Variants in ANKRD11 observed in about 807,000 individuals in gnomAD.
ANKRD11 encodes the protein ankyrin repeat domain 11.
ANKRD11 carries 17 observed loss-of-function variants against 195.7 expected under a neutral mutation model. The observed-to-expected ratio is 0.09, with a 90% CI of 0.06 to 0.13. The LOEUF (loss-of-function observed/expected upper bound fraction) is 0.13, where lower values mean the gene tolerates loss of function less well. ANKRD11 is among the 10% of genes least tolerant of loss of function. ANKRD11 has a pLI of 1.00. For missense variants in ANKRD11, 3,735 were observed against 3,566.1 expected (o/e 1.05, Z -1.21); for synonymous variants, 1,953 against 1,528.1 (o/e 1.28, Z -6.49).
At chr16:89,288,502 T>A (rs756839386) in intron 7 of ANKRD11, 26 bp downstream of exon 7, 4 of 1,613,788 alleles carry the variant, frequency 2.5e-6, no homozygotes, top group Non-Finnish European at 3.4e-6. Flanking sequence ...ACAGGCCGGA[T>A]GTGTGAAGAA....
chr16:89,340,840 G>GA (rs2038622433), intron 2 of ANKRD11, among the ~76,000 whole-genome samples: 1 of 152,188 alleles, frequency 6.6e-6, no homozygotes, highest in African/African-American at 2.4e-5. Flanking sequence ...CAGTCCTGGG[G>GA]AGAGGATGCA....
chr16:89,356,312 G>A (rs986755085), intron 2 of ANKRD11, among the ~76,000 whole-genome samples: 2 of 151,900 alleles, frequency 1.3e-5, no homozygotes, highest in African/African-American at 4.8e-5. Flanking sequence ...CCAGAGACAC[G>A]CACAGTTCTC....
chr16:89,291,321 G>C lies in ANKRD11; in HGVS notation c.227-138C>G. The C allele has an allele frequency of 1.8e-6, 2 of 1,131,148 alleles. No homozygotes were observed. Among genetic ancestry groups the C allele is most frequent in the Non-Finnish European group, 1.3e-6 (1 of 782,554 alleles). 70.1% of individuals were successfully genotyped at this position (1,131,148 alleles called of 1,614,324 possible). On this transcript the variant is annotated intron_variant, in intron 4 of 12. Coordinates refer to ENST00000301030, the MANE Select transcript of ANKRD11 (RefSeq NM_013275.6). The surrounding 1 kb of genome is among the most constrained non-coding windows in gnomAD (Gnocchi z 5.3). Reference sequence around the variant, plus strand: ...GAGCAGAAAGGAAGGTCTGTGTATGGGGAAAGCACAGCGGTGCTGGGAGCA... The same window carrying C: ...GAGCAGAAAGGAAGGTCTGTGTATGCGGAAAGCACAGCGGTGCTGGGAGCA...
intron 2 of ANKRD11, among the ~76,000 whole-genome samples, chr16:89,340,681 T>C (rs768530488): frequency 6.6e-6 from 1 of 152,180 alleles, no homozygotes; most frequent in East Asian, 1.9e-4. Flanking sequence ...AGAGACAATA[T>C]AATTAACAAA....
chr16:89,344,944 G>T (rs560461242), intron 2 of ANKRD11, among the ~76,000 whole-genome samples: 7 of 152,320 alleles, frequency 4.6e-5, no homozygotes, highest in Non-Finnish European at 1.0e-4. Flanking sequence ...GAAAAAGAAT[G>T]GTTGGCAGAA....
intron 3 of ANKRD11, among the ~76,000 whole-genome samples, chr16:89,312,359 G>A (rs2036653525): frequency 2.6e-5 from 4 of 152,222 alleles, no homozygotes; most frequent in African/African-American, 9.6e-5. Context: ...GATGAGGACA[G>A]TGTGTTCTAC....
chr16:89,432,888 G>C lies in ANKRD11; in HGVS notation c.-144-14520C>G, dbSNP rs994528453. The stretch of plus-strand genomic sequence containing the variant: ...GAATCACTTGAGCCTGTGAGGTCGA[G>C]GCTGCAGGGGGCTTTATCACAGCCC... On this transcript the variant is annotated intron_variant, in intron 1 of 12. Transcript: ENST00000301030. 2.0e-5 allele frequency among the ~76,000 whole-genome samples: 3 copies of C among 151,850 alleles called. No individual in the cohort carries two copies. The East Asian group carries it at 5.8e-4, about 29-fold the overall frequency.
intron 2 of ANKRD11, among the ~76,000 whole-genome samples, chr16:89,327,604 C>T (rs912573908): frequency 2.0e-5 from 3 of 152,166 alleles, no homozygotes; most frequent in Non-Finnish European, 4.4e-5. Flanking sequence ...AAAGACAGTA[C>T]CATCCTATTT....
At chr16:89,303,659 G>A (rs567174954) in intron 4 of ANKRD11, among the ~76,000 whole-genome samples, 25 of 152,272 alleles carry the variant, frequency 1.6e-4, no homozygotes, top group African/African-American at 5.8e-4. Context: ...AGCCCTCTCT[G>A]CTGGCCTTTC....
intron 4 of ANKRD11, among the ~76,000 whole-genome samples, chr16:89,304,085 G>C (rs1011576031): frequency 1.5e-4 from 23 of 152,340 alleles, no homozygotes; most frequent in Middle Eastern, 6.8e-3. Flanking sequence ...CTGTAGAGAA[G>C]CTGGATGACC....
intron 1 of ANKRD11, among the ~76,000 whole-genome samples, chr16:89,418,951 A>AC (rs1346967682): frequency 6.6e-6 from 1 of 151,820 alleles, no homozygotes; most frequent in African/African-American, 2.4e-5. Flanking sequence ...GGACCTCCTG[A>AC]CCTCAGGTGT....
intron 2 of ANKRD11, among the ~76,000 whole-genome samples, chr16:89,391,136 G>C (rs1432858658): frequency 1.3e-5 from 2 of 151,690 alleles, no homozygotes; most frequent in Admixed American, 6.6e-5. Context: ...GCTGAAGCAG[G>C]AGAATGGTGT....
rs1298734986 is a variant in ANKRD11 at position 89,283,864 on chromosome 16, C to T, written c.2678G>A (p.Arg893Gln). Residue 893 changes from arginine to glutamine, a missense_variant, in exon 9 of 13, where the codon CGG (arginine) becomes CAG (glutamine). Arg to Gln is a conservative substitution (Grantham distance 43, BLOSUM62 1). Transcript: ENST00000301030. This position sits in a 1 kb window ranked among gnomAD's most constrained non-coding sequence, Gnocchi z 4.3. ...TCTGTAGTCTCGCTTCTCCCGGGCC[C>T]GGCTGTCCCGCCTCCTCTCCTTGCT... ...EDSKERRRDSRAREKRDYREP... is the reference protein window; with the variant it reads ...EDSKERRRDSQAREKRDYREP... 27 of 1,613,938 alleles carry T rather than the reference C, an allele frequency of 1.7e-5. No homozygotes were observed. Among genetic ancestry groups the T allele is most frequent in the East Asian group, 2.2e-5 (1 of 44,886 alleles).
chr16:89,434,800 A>T (rs1278536441), intron 1 of ANKRD11, among the ~76,000 whole-genome samples: 1 of 152,220 alleles, frequency 6.6e-6, no homozygotes, highest in Non-Finnish European at 1.5e-5. Context: ...ACAGGAAAGC[A>T]CTGGATGGAG....
At chr16:89,271,301 G>A (rs983103486) in intron 11 of ANKRD11, 11 of 313,840 alleles carry the variant, frequency 3.5e-5, no homozygotes, top group East Asian at 8.6e-5. Context: ...GCAATGGCGC[G>A]ATCCTGGCTC....
In ANKRD11 at chr16:89,469,899, T is replaced by C. The variant is rs567108327; in HGVS notation, c.-145+20346A>G. Reference sequence around the variant, plus strand: ...CTCCGTTTCAGAAAAACAAAGTCAGTTGTACTTTTTCCTTTTCTTTTGTTT... The same window carrying C: ...CTCCGTTTCAGAAAAACAAAGTCAGCTGTACTTTTTCCTTTTCTTTTGTTT... On this transcript the variant is annotated intron_variant, in intron 1 of 12. Transcript: ENST00000301030. 8.5e-5 allele frequency among the ~76,000 whole-genome samples: 9 copies of C among 106,498 alleles called. No homozygotes were observed. The South Asian group carries it at 3.6e-3, about 43-fold the overall frequency. 69.9% of individuals were successfully genotyped at this position (106,498 alleles called of 152,430 possible). A position where few individuals can be genotyped will look rare whatever the true frequency, so the allele number is the denominator to read the frequency against.
chr16:89,458,472 T>C (rs1020531866), intron 1 of ANKRD11, among the ~76,000 whole-genome samples: 18 of 152,200 alleles, frequency 1.2e-4, no homozygotes, highest in East Asian at 1.9e-4. Flanking sequence ...GATCCGCCCA[T>C]CTCGGCCTCC....
At chr16:89,270,589 T>G in intron 12 of ANKRD11, 1 of 582,786 alleles carries the variant, frequency 1.7e-6, no homozygotes, top group Non-Finnish European at 3.1e-6. Context: ...CAGGAGCCGC[T>G]CCCTGCACAC....
intron 1 of ANKRD11, among the ~76,000 whole-genome samples, chr16:89,442,615 A>AT (rs1279301056): frequency 2.0e-5 from 3 of 152,144 alleles, no homozygotes; most frequent in Non-Finnish European, 2.9e-5. Flanking sequence ...TCAAAGACTC[A>AT]TTTCCAGATA....
Sources: allele counts gnomAD v4.1 joint callset (sites outside exome capture counted in the v4.1 genomes callset), GRCh38; gene constraint gnomAD v4.1.1; non-coding constraint Gnocchi (gnomAD v3.1); transcripts MANE v1.5; gene names NCBI Gene and HGNC (gene_info 2026-07-23, HGNC 2026-07-21).